The following LDB2 variants were observed in gnomAD, a reference collection of about 807,000 sequenced individuals.
The protein encoded by LDB2 is LIM domain binding 2, also known as LIM domain-binding protein 2.
In LDB2, 12 loss-of-function variants were observed where a neutral mutation model predicts 44.3. The observed-to-expected ratio is 0.27, with a 90% CI of 0.17 to 0.44. LDB2 has a LOEUF of 0.44. Among genes scored for constraint, LDB2 ranks in the 20% least tolerant of loss-of-function variants. The pLI is 1.00. For missense variants in LDB2, 344 were observed against 473.5 expected, an observed-to-expected ratio of 0.73 and a Z score of 2.54; for synonymous variants, 164 against 174.8, an observed-to-expected ratio of 0.94 and a Z score of 0.49.
At chr4:16,759,618 CTCTTT>C (rs1183193437) in intron 1 of LDB2, among the ~76,000 whole-genome samples, 3 of 152,090 alleles carry the variant, frequency 2.0e-5, no homozygotes, top group East Asian at 1.9e-4. Flanking sequence ...TCTCTCTCTG[CTCTTT>C]TAAGAGTTCA....
intron 6 of LDB2, among the ~76,000 whole-genome samples, chr4:16,509,242 C>A (rs1202601666): frequency 3.3e-5 from 5 of 152,146 alleles, no homozygotes; most frequent in Admixed American, 3.3e-4. Context: ...AAGTCAGTTC[C>A]ATCAGCTGTG....
At chr4:16,572,597 G>C (rs573982697) in intron 5 of LDB2, among the ~76,000 whole-genome samples, 1 of 152,084 alleles carries the variant, frequency 6.6e-6, no homozygotes, top group South Asian at 2.1e-4. Context: ...ATGTGTGTGT[G>C]TGTATTTTTT....
Position 16,588,815 on chromosome 4 carries a change from T to C in LDB2, c.426A>G (p.Arg142=). 6.2e-7 allele frequency: 1 copy of C among 1,614,066 alleles called. No individual in the cohort carries two copies. Among genetic ancestry groups the C allele is most frequent in the Non-Finnish European group, 8.5e-7 (1 of 1,179,948 alleles). The change falls in exon 4 of 8, where the codon AGA becomes AGG. Residue 142 remains arginine (R), a synonymous_variant. Transcript: ENST00000304523. ...PMFTKVCTEG[R]LILEFTFDDL... Reference sequence around the variant, plus strand: ...CATCAAAGGTGAACTCCAAGATCAGTCTGCCTTCTGTACATACCTGGAAGT... The same window carrying C: ...CATCAAAGGTGAACTCCAAGATCAGCCTGCCTTCTGTACATACCTGGAAGT...
intron 1 of LDB2, among the ~76,000 whole-genome samples, chr4:16,880,180 G>A (rs751793730): frequency 1.1e-4 from 17 of 152,142 alleles, no homozygotes; most frequent in Admixed American, 7.2e-4. Flanking sequence ...TGACAGAAGA[G>A]AATTTAGCAC....
At chr4:16,895,702 A>G (rs1378218429) in intron 1 of LDB2, among the ~76,000 whole-genome samples, 1 of 152,160 alleles carries the variant, frequency 6.6e-6, no homozygotes, top group African/African-American at 2.4e-5. Flanking sequence ...TAAATTCTCA[A>G]AGTAGTCACT....
At chr4:16,680,016 C>T (rs967134326) in intron 2 of LDB2, among the ~76,000 whole-genome samples, 1 of 152,172 alleles carries the variant, frequency 6.6e-6, no homozygotes, top group African/African-American at 2.4e-5. Flanking sequence ...TGTATTGAAG[C>T]CCTAATCCCC....
intron 2 of LDB2, among the ~76,000 whole-genome samples, chr4:16,733,759 T>C (rs1761259406): frequency 6.6e-6 from 1 of 152,210 alleles, no homozygotes; most frequent in Non-Finnish European, 1.5e-5. Flanking sequence ...CTTTCTGATG[T>C]GACGCCTTTC....
rs370867941 is a variant in LDB2 at position 16,615,048 on chromosome 4, C to T, written c.236-19173G>A. Among the ~76,000 whole-genome samples, 691 of 119,148 alleles carry T rather than the reference C, an allele frequency of 5.8e-3. 7 individuals carry two copies. Among genetic ancestry groups the T allele is most frequent in the East Asian group, 0.047 (189 of 4,012 alleles). The allele number at this position is 119,148 out of a possible 152,430, so 78.2% of individuals were successfully genotyped here. A position where few individuals can be genotyped will look rare whatever the true frequency, so the allele number is the denominator to read the frequency against. The stretch of plus-strand genomic sequence containing the variant: ...TCCCGCCACTGCACTCCAGCCTGGG[C>T]GACAGAGCGAGACTCCGTCTCAAAA... On this transcript the variant is annotated intron_variant, in intron 2 of 7. Transcript: ENST00000304523.
chr4:16,714,949 T>G (rs1400607381), intron 2 of LDB2, among the ~76,000 whole-genome samples: 1 of 152,180 alleles, frequency 6.6e-6, no homozygotes, highest in East Asian at 1.9e-4. Context: ...ACTTTACACC[T>G]GCAAAGACCC....
chr4:16,564,382 A>T (rs562394853), intron 5 of LDB2, among the ~76,000 whole-genome samples: 3 of 152,098 alleles, frequency 2.0e-5, no homozygotes, highest in Non-Finnish European at 4.4e-5. Context: ...AAAATAACAA[A>T]CAATCAAAAA....
At chr4:16,784,928 G>A (rs1774069967) in intron 1 of LDB2, among the ~76,000 whole-genome samples, 1 of 151,774 alleles carries the variant, frequency 6.6e-6, no homozygotes, top group Non-Finnish European at 1.5e-5. Flanking sequence ...CCTTTGCTCT[G>A]CCACCCTTAA....
intron 2 of LDB2, among the ~76,000 whole-genome samples, chr4:16,719,182 A>C (rs972815119): frequency 2.0e-5 from 3 of 152,118 alleles, no homozygotes; most frequent in African/African-American, 7.2e-5. Flanking sequence ...TGACATAAAT[A>C]TGATTCAAGT....
intron 2 of LDB2, among the ~76,000 whole-genome samples, chr4:16,758,733 T>C (rs1481561921): frequency 1.3e-5 from 2 of 152,082 alleles, no homozygotes; most frequent in Admixed American, 6.5e-5. Context: ...CCTGAGATAA[T>C]TGATAAGAGG....
chr4:16,788,855 G>T (rs1198093036), intron 1 of LDB2, among the ~76,000 whole-genome samples: 3 of 152,174 alleles, frequency 2.0e-5, no homozygotes, highest in African/African-American at 7.2e-5. Context: ...GTACTACTGT[G>T]CAATTAACTC....
At chr4:16,572,472 G>T (rs191240965) in intron 5 of LDB2, among the ~76,000 whole-genome samples, 318 of 152,230 alleles carry the variant, frequency 2.1e-3, no homozygotes, top group South Asian at 3.9e-3. Context: ...TACACTTAAG[G>T]CCAAAAATTT....
chr4:16,505,379 G>GTGTT (rs1718974989), intron 7 of LDB2, among the ~76,000 whole-genome samples: 1 of 152,118 alleles, frequency 6.6e-6, no homozygotes, highest in African/African-American at 2.4e-5. Context: ...GTGTGTGTAT[G>GTGTT]TGTTTGTGTG....
chr4:16,619,070 A>G (rs962920939), intron 2 of LDB2, among the ~76,000 whole-genome samples: 3 of 152,184 alleles, frequency 2.0e-5, no homozygotes, highest in Middle Eastern at 3.2e-3. Context: ...TTGCTGAACC[A>G]TGAGCCAATT....
intron 5 of LDB2, among the ~76,000 whole-genome samples, chr4:16,575,302 C>A (rs1747895479): frequency 6.6e-6 from 1 of 152,102 alleles, no homozygotes; most frequent in Non-Finnish European, 1.5e-5. Flanking sequence ...AAGAAAATAT[C>A]TTTTGGCTGA....
At chr4:16,790,518 A>G (rs564484666) in intron 1 of LDB2, among the ~76,000 whole-genome samples, 23 of 152,334 alleles carry the variant, frequency 1.5e-4, no homozygotes, top group Non-Finnish European at 3.2e-4. Flanking sequence ...AAAAAAATAT[A>G]TAAATAAAAA....
Sources: gnomAD v4.1 joint callset for allele counts (sites outside exome capture counted in the v4.1 genomes callset) on GRCh38, gnomAD v4.1.1 for gene constraint, MANE v1.5 for transcripts, NCBI Gene and HGNC (gene_info 2026-07-23, HGNC 2026-07-21) for gene names.